Variants in MAF observed in about 807,000 individuals in gnomAD.
MAF encodes MAF bZIP transcription factor.
In MAF, 10 loss-of-function variants were observed where a neutral mutation model predicts 22.0. That is an observed-to-expected ratio of 0.45 (90% CI 0.28 to 0.77). The LOEUF is 0.77. Ranked by LOEUF, MAF falls within the 30% of genes least tolerant of loss-of-function variation. MAF has a pLI of 0.12. For missense variants in MAF, 544 were observed against 548.4 expected (o/e 0.99, Z 0.08); for synonymous variants, 337 against 255.8 (o/e 1.32, Z -3.03).
chr16:79,423,643 A>G, the MAF span, among the ~76,000 whole-genome samples: 2 of 152,208 alleles, frequency 1.3e-5, no homozygotes, highest in African/African-American at 4.8e-5. Flanking sequence ...GTTTCAACAG[A>G]GATAGCATGT....
chr16:79,211,660 G>A, the MAF span: 1 of 1,614,196 alleles, frequency 6.2e-7, no homozygotes, highest in Non-Finnish European at 8.5e-7. Context: ...GAACTGGAGG[G>A]TCTGGGAGGG....
the MAF span, among the ~76,000 whole-genome samples, chr16:79,273,665 T>C: frequency 6.9e-6 from 1 of 144,606 alleles, no homozygotes; most frequent in Non-Finnish European, 1.5e-5. Flanking sequence ...GCTCTTCTCA[T>C]CCTGTTTCAC....
At chr16:79,597,036 G>C (rs1261835742) in intron 1 of MAF, 1 of 1,056,304 alleles carries the variant, frequency 9.5e-7, no homozygotes, top group Admixed American at 5.4e-5. Context: ...TAATACTTTG[G>C]TTTTCAATAC....
the MAF span, among the ~76,000 whole-genome samples, chr16:79,347,064 G>C: frequency 2.0e-5 from 3 of 152,166 alleles, no homozygotes; most frequent in African/African-American, 7.2e-5. Flanking sequence ...CCTTAACCCA[G>C]CACCTAGTAG....
At chr16:79,500,805 G>A in the MAF span, among the ~76,000 whole-genome samples, 1 of 152,160 alleles carries the variant, frequency 6.6e-6, no homozygotes, top group Non-Finnish European at 1.5e-5. Flanking sequence ...GACTCATGGA[G>A]GTGTCTGCCT....
At chr16:79,523,848 T>C in the MAF span, among the ~76,000 whole-genome samples, 7 of 152,220 alleles carry the variant, frequency 4.6e-5, no homozygotes, top group African/African-American at 1.7e-4. Flanking sequence ...ATGAATTCAT[T>C]AGGTCAATAA....
chr16:79,496,266 G>C, the MAF span, among the ~76,000 whole-genome samples: 4 of 152,196 alleles, frequency 2.6e-5, no homozygotes, highest in Admixed American at 2.6e-4. Flanking sequence ...TTCCAGAGAA[G>C]AGTTTGGCTG....
chr16:79,342,410 T>A, the MAF span, among the ~76,000 whole-genome samples: 1 of 152,230 alleles, frequency 6.6e-6, no homozygotes, highest in East Asian at 1.9e-4. Context: ...GGGGCTTGAA[T>A]CTTGGACCCC....
downstream of MAF, among the ~76,000 whole-genome samples, chr16:79,593,544 G>C (rs1269509795): frequency 6.6e-6 from 1 of 152,220 alleles, no homozygotes; most frequent in African/African-American, 2.4e-5. Context: ...CCTGCATTCA[G>C]TAATAAACAG....
At chr16:79,548,044 G>A in the MAF span, among the ~76,000 whole-genome samples, 1 of 152,096 alleles carries the variant, frequency 6.6e-6, no homozygotes, top group Non-Finnish European at 1.5e-5. Flanking sequence ...GAGATCTGTT[G>A]TTTTAATAAA....
At chr16:79,499,856 T>C in the MAF span, among the ~76,000 whole-genome samples, 1,602 of 152,370 alleles carry the variant, frequency 0.011, 9 homozygotes, top group Non-Finnish European at 0.016. Context: ...CTACAATCTG[T>C]GAATATTACC....
At chr16:79,421,209 C>T in the MAF span, among the ~76,000 whole-genome samples, 1 of 152,178 alleles carries the variant, frequency 6.6e-6, no homozygotes, top group Non-Finnish European at 1.5e-5. Flanking sequence ...TTATTGTCCG[C>T]AGTTTCAGGC....
the MAF span, among the ~76,000 whole-genome samples, chr16:79,579,173 T>G: frequency 1.3e-5 from 2 of 152,200 alleles, no homozygotes; most frequent in Non-Finnish European, 2.9e-5. Context: ...CTCTGACTCT[T>G]TGATGCAAAA....
chr16:79,243,869 C>T, the MAF span, among the ~76,000 whole-genome samples: 1 of 151,978 alleles, frequency 6.6e-6, no homozygotes, highest in Non-Finnish European at 1.5e-5. Flanking sequence ...TTGCCAACCA[C>T]GATCAAGTCA....
the MAF span, among the ~76,000 whole-genome samples, chr16:79,426,447 G>C: frequency 3.3e-5 from 5 of 152,186 alleles, 1 homozygote; most frequent in African/African-American, 9.6e-5. Context: ...AATTACATAA[G>C]AGTATTTGTT....
the MAF span, among the ~76,000 whole-genome samples, chr16:79,502,126 C>G: frequency 6.6e-6 from 1 of 152,116 alleles, no homozygotes; most frequent in Non-Finnish European, 1.5e-5. Context: ...AGCCGAGTAC[C>G]CTCTCAAGAG....
the MAF span, among the ~76,000 whole-genome samples, chr16:79,476,118 C>T: frequency 2.6e-5 from 4 of 152,170 alleles, no homozygotes; most frequent in Admixed American, 1.3e-4. Flanking sequence ...GAAACTTTCT[C>T]TTGCTGGCCT....
At position 79,594,455 on chromosome 16, in the gene MAF, A is replaced by G; in HGVS notation, c.*5T>C. 1 of 1,555,192 alleles carries G rather than the reference A, an allele frequency of 6.4e-7. No homozygotes were observed. Among genetic ancestry groups the G allele is most frequent in the Non-Finnish European group, 8.7e-7 (1 of 1,148,060 alleles). On this transcript the variant is annotated 3_prime_UTR_variant, in exon 2 of 2. Transcript: ENST00000326043. The stretch of plus-strand genomic sequence containing the variant: ...TTTTTTTAATGTACAGCTCTCACAC[A>G]AATTTCATTTTGTGAACACACTGGT...
At chr16:79,202,764 G>C in the MAF span, 1 of 152,124 alleles carries the variant, frequency 6.6e-6, no homozygotes, top group East Asian at 1.9e-4. Context: ...TGCATAGCTT[G>C]TTAGTATTTA....
Sources: allele counts gnomAD v4.1 joint callset (sites outside exome capture counted in the v4.1 genomes callset), GRCh38; gene constraint gnomAD v4.1.1; transcripts MANE v1.5; gene names NCBI Gene and HGNC (gene_info 2026-07-23, HGNC 2026-07-21).